The following CDC42BPA variants were observed in gnomAD, a reference collection of about 807,000 sequenced individuals.
CDC42BPA encodes CDC42 binding protein kinase alpha, also known as serine/threonine-protein kinase MRCK alpha.
Under a neutral mutation model 223.5 loss-of-function variants are expected in CDC42BPA, and 80 were observed. The ratio of observed to expected loss-of-function variants is 0.36; its 90% CI spans 0.30 to 0.43. The LOEUF is 0.43. CDC42BPA is among the 20% of genes least tolerant of loss of function. The probability of loss-of-function intolerance (pLI) is 1.00; values close to 1 mark genes in which losing one functional copy is unlikely to be tolerated. For missense variants in CDC42BPA, 1,743 were observed against 2,099.9 expected (o/e 0.83, Z 3.32); for synonymous variants, 694 against 718.6 (o/e 0.97, Z 0.55).
chr1:227,193,339 C>G (rs1234584157), intron 5 of CDC42BPA, among the ~76,000 whole-genome samples: 1 of 152,000 alleles, frequency 6.6e-6, no homozygotes, highest in South Asian at 2.1e-4. Context: ...GGATTACAAG[C>G]GTGAGCAACC....
intron 4 of CDC42BPA, among the ~76,000 whole-genome samples, chr1:227,194,831 T>C (rs4653486): frequency 0.68 from 103,838 of 152,048 alleles, 35,692 homozygotes; most frequent in South Asian, 0.74. Flanking sequence ...TGTAAGTGGA[T>C]GTTGAAAAAT....
At chr1:227,057,934 A>C (rs1192246169) in intron 21 of CDC42BPA, among the ~76,000 whole-genome samples, 2 of 152,210 alleles carry the variant, frequency 1.3e-5, no homozygotes, top group Non-Finnish European at 2.9e-5. Context: ...ACAAATCCTA[A>C]ATTATAACCT....
chr1:227,301,021 C>T (rs1558991581), intron 1 of CDC42BPA, among the ~76,000 whole-genome samples: 1 of 152,200 alleles, frequency 6.6e-6, no homozygotes, highest in Non-Finnish European at 1.5e-5. Context: ...GCGTCATTTA[C>T]ATCATTTGTG....
At chr1:227,012,573 A>G (rs1007444570) in intron 34 of CDC42BPA, among the ~76,000 whole-genome samples, 7 of 152,206 alleles carry the variant, frequency 4.6e-5, no homozygotes, top group Admixed American at 6.5e-5. Flanking sequence ...TTCTAAGCTT[A>G]TAAGTATTTC....
chr1:227,313,050 G>T (rs921132758), intron 1 of CDC42BPA, among the ~76,000 whole-genome samples: 2 of 151,942 alleles, frequency 1.3e-5, no homozygotes. Context: ...TGCGAGAACA[G>T]ACTAACAAAA....
At chr1:227,163,020 GTTTCCAAACATA>G (rs536359142) in intron 5 of CDC42BPA, among the ~76,000 whole-genome samples, 74,446 of 141,346 alleles carry the variant, frequency 0.53, 19,105 homozygotes, top group South Asian at 0.61. Context: ...AAACGTGTAT[GTTTCCAAACATA>G]TGTGTTTCCA....
chr1:227,080,955 A>G lies in CDC42BPA; in HGVS notation c.2418T>C (p.Asp806=), dbSNP rs1474502472. The G allele has an allele frequency of 1.2e-6, 2 of 1,613,668 alleles. No homozygotes were observed. The highest frequency in any genetic ancestry group is 1.1e-5 in the South Asian group (1 of 91,074). Residue 806 remains aspartate (D), a synonymous_variant, in exon 17 of 37, where the codon GAT becomes GAC. Coordinates refer to ENST00000366766, the MANE Select transcript of CDC42BPA (RefSeq NM_001394014.1). ...HNQQLEEEVK[D]LADKKESVAH... ...CAACTGATTCTTTCTTGTCTGCTAG[A>G]TCTTTAACCTCTTCTTCTAACTGCT...
At chr1:227,231,428 T>C (rs1572513844) in intron 2 of CDC42BPA, among the ~76,000 whole-genome samples, 5 of 152,258 alleles carry the variant, frequency 3.3e-5, no homozygotes, top group Admixed American at 3.3e-4. Context: ...TTGTGAATAG[T>C]GCCACAATAA....
chr1:227,263,471 A>G (rs1490409502), intron 1 of CDC42BPA, among the ~76,000 whole-genome samples: 2 of 152,230 alleles, frequency 1.3e-5, no homozygotes, highest in East Asian at 3.8e-4. Context: ...TGATCAGGGA[A>G]AATGATACTC....
chr1:226,995,020 G>C lies in CDC42BPA; in HGVS notation c.4976-40C>G, dbSNP rs1661336925. 1.9e-6 allele frequency: 3 copies of C among 1,581,434 alleles called. No homozygotes were observed. The African/African-American group carries it at 4.0e-5, about 21-fold the overall frequency. On this transcript the variant is annotated intron_variant, in intron 35 of 36. Coordinates refer to ENST00000366766, the MANE Select transcript of CDC42BPA (RefSeq NM_001394014.1). ...GCAGGCAAAATTTTACATATGCAGA[G>C]GGGACAATACTCTAGAAAGCACACA...
chr1:227,271,450 T>C (rs972873319), intron 1 of CDC42BPA, among the ~76,000 whole-genome samples: 2 of 152,076 alleles, frequency 1.3e-5, no homozygotes, highest in African/African-American at 4.8e-5. Context: ...TTCACTAAAG[T>C]AGCTATCCTT....
intron 2 of CDC42BPA, among the ~76,000 whole-genome samples, chr1:227,232,279 G>C (rs1287618087): frequency 6.6e-6 from 1 of 152,166 alleles, no homozygotes; most frequent in African/African-American, 2.4e-5. Context: ...GTTTGTCAAA[G>C]ATCAGATTGT....
chr1:227,167,932 C>CTT (rs5781476), intron 5 of CDC42BPA, among the ~76,000 whole-genome samples: 1,590 of 148,214 alleles, frequency 0.011, 34 homozygotes, highest in African/African-American at 0.036. Context: ...TTCTTCTGTT[C>CTT]TTTTTTTTTT....
chr1:227,163,479 G>T (rs7540282), intron 5 of CDC42BPA, among the ~76,000 whole-genome samples: 137,057 of 151,930 alleles, frequency 0.9, 62,265 homozygotes, highest in Middle Eastern at 0.96. Flanking sequence ...ATCTTCAACT[G>T]TGCTAGCATG....
chr1:227,109,720 T>G (rs1428926935), intron 14 of CDC42BPA, among the ~76,000 whole-genome samples: 8 of 151,924 alleles, frequency 5.3e-5, no homozygotes, highest in Admixed American at 5.3e-4. Flanking sequence ...AAATTTTTAT[T>G]TGTTTTACTT....
intron 21 of CDC42BPA, among the ~76,000 whole-genome samples, chr1:227,061,880 A>G (rs1452906482): frequency 6.6e-6 from 1 of 152,146 alleles, no homozygotes; most frequent in Non-Finnish European, 1.5e-5. Flanking sequence ...GATTATTTCC[A>G]AATCTCTGTT....
intron 11 of CDC42BPA, 22 bp downstream of exon 11, chr1:227,129,087 A>G: frequency 7.5e-7 from 1 of 1,341,926 alleles, no homozygotes; most frequent in Non-Finnish European, 1.0e-6. Flanking sequence ...AATTGAATTA[A>G]CAGTGAATCA....
chr1:227,092,592 A>G (rs928444670), intron 15 of CDC42BPA, among the ~76,000 whole-genome samples: 1 of 152,214 alleles, frequency 6.6e-6, no homozygotes, highest in Non-Finnish European at 1.5e-5. Flanking sequence ...CTGGGCCCTT[A>G]TTTAGTATTA....
In CDC42BPA at chr1:227,030,414, T is replaced by C. The variant is rs755254406; in HGVS notation, c.3832A>G (p.Lys1278Glu). Residue 1278 changes from lysine (K) to glutamate (E), a missense_variant, in exon 29 of 37, where the codon AAA (lysine) becomes GAA (glutamate). By Grantham distance (56) the Lys-to-Glu change is moderately conservative. Coordinates refer to ENST00000366766, the MANE Select transcript of CDC42BPA (RefSeq NM_001394014.1). ...AAAAAAAGTTTTCTCTTACCATCTT[T>C]GGTGACATGTACAACAAATAACCCT... ...EEGLFVVHVT[K>E]DEIIRVGDNK... 3.1e-6 allele frequency: 5 copies of C among 1,593,950 alleles called. No homozygotes were observed. The highest frequency in any genetic ancestry group is 4.3e-6 in the Non-Finnish European group (5 of 1,170,392).
Sources: allele counts gnomAD v4.1 joint callset (sites outside exome capture counted in the v4.1 genomes callset), GRCh38; gene constraint gnomAD v4.1.1; transcripts MANE v1.5; gene names NCBI Gene and HGNC (gene_info 2026-07-23, HGNC 2026-07-21).